Variants in SESTD1 observed in about 807,000 individuals in gnomAD.
SESTD1 encodes SEC14 and spectrin domain containing 1, also known as SEC14 domain and spectrin repeat-containing protein 1.
A neutral mutation model predicts 101.7 loss-of-function variants in SESTD1; 43 were observed. The observed-to-expected ratio is 0.42, with a 90% CI of 0.33 to 0.55. The LOEUF is 0.55. Among genes scored for constraint, SESTD1 ranks in the 20% least tolerant of loss-of-function variants. The probability of loss-of-function intolerance (pLI) is 0.07; values close to 1 mark genes in which losing one functional copy is unlikely to be tolerated. For missense variants in SESTD1, 647 were observed against 815.1 expected, an observed-to-expected ratio of 0.79 and a Z score of 2.51; for synonymous variants, 283 against 286.8, an observed-to-expected ratio of 0.99 and a Z score of 0.13.
chr2:179,129,030 A>G (rs947551576), intron 10 of SESTD1, among the ~76,000 whole-genome samples: 1 of 152,198 alleles, frequency 6.6e-6, no homozygotes, highest in Non-Finnish European at 1.5e-5. Flanking sequence ...ACTTTATACC[A>G]TGAAATGTGA....
At chr2:179,145,031 T>C (rs747766158) in intron 8 of SESTD1, among the ~76,000 whole-genome samples, 22 of 152,158 alleles carry the variant, frequency 1.4e-4, no homozygotes, top group African/African-American at 5.3e-4. Flanking sequence ...CTGTATATCA[T>C]ACTGGAAGAA....
chr2:179,146,374 A>C (rs1321225670), intron 8 of SESTD1, 28 bp downstream of exon 8: 4 of 1,567,562 alleles, frequency 2.6e-6, no homozygotes, highest in Non-Finnish European at 2.6e-6. Flanking sequence ...TTACTGGATT[A>C]TTATCACAAA....
chr2:179,200,150 A>G (rs533053342), intron 1 of SESTD1, among the ~76,000 whole-genome samples: 16 of 152,272 alleles, frequency 1.1e-4, no homozygotes, highest in African/African-American at 2.9e-4. Context: ...GAGCCAAATC[A>G]TGAGTGAACT....
chr2:179,185,663 AAT>A (rs1337855799), intron 2 of SESTD1, among the ~76,000 whole-genome samples: 3 of 67,384 alleles, frequency 4.5e-5, no homozygotes, highest in Non-Finnish European at 1.0e-4. Context: ...TAGCATATAC[AAT>A]ATATAATATA....
intron 1 of SESTD1, among the ~76,000 whole-genome samples, chr2:179,245,515 CAAA>C (rs59103658): frequency 0.013 from 597 of 45,102 alleles, 4 homozygotes; most frequent in African/African-American, 0.036. Flanking sequence ...GACTCTGTCT[CAAA>C]AAAAAAAAAA....
chr2:179,120,430 A>G (rs939377253), intron 13 of SESTD1, among the ~76,000 whole-genome samples: 2 of 152,190 alleles, frequency 1.3e-5, no homozygotes, highest in African/African-American at 4.8e-5. Flanking sequence ...TAATTCAAGT[A>G]GTGAGAATGT....
At chr2:179,146,044 G>A (rs546471023) in intron 8 of SESTD1, among the ~76,000 whole-genome samples, 6 of 150,574 alleles carry the variant, frequency 4.0e-5, no homozygotes, top group Admixed American at 2.0e-4. Flanking sequence ...GGAGGTGAGC[G>A]GCAGGCCAGC....
At chr2:179,187,141 C>CATTTAATT (rs1362304199) in intron 2 of SESTD1, among the ~76,000 whole-genome samples, 23 of 152,218 alleles carry the variant, frequency 1.5e-4, no homozygotes, top group Non-Finnish European at 2.8e-4. Flanking sequence ...AACAAAAGAA[C>CATTTAATT]ACCTGCTACT....
chr2:179,178,740 C>T (rs2046054851), intron 3 of SESTD1, among the ~76,000 whole-genome samples: 1 of 152,154 alleles, frequency 6.6e-6, no homozygotes, highest in Admixed American at 6.6e-5. Context: ...AGAGGGCCTT[C>T]CCACCAACAG....
At chr2:179,231,267 C>G (rs912433714) in intron 1 of SESTD1, among the ~76,000 whole-genome samples, 9 of 151,700 alleles carry the variant, frequency 5.9e-5, no homozygotes, top group Admixed American at 5.9e-4. Context: ...AAGAGCAAAA[C>G]GAAGTTGCAG....
intron 1 of SESTD1, among the ~76,000 whole-genome samples, chr2:179,243,321 G>T (rs1298780448): frequency 6.6e-6 from 1 of 152,194 alleles, no homozygotes; most frequent in Non-Finnish European, 1.5e-5. Context: ...AATGTAAACT[G>T]GTTCAGCCAG....
At chr2:179,193,875 C>A (rs551887970) in intron 1 of SESTD1, among the ~76,000 whole-genome samples, 1 of 152,144 alleles carries the variant, frequency 6.6e-6, no homozygotes, top group Non-Finnish European at 1.5e-5. Flanking sequence ...GGAATCCTCC[C>A]GGCCACCAGG....
At chr2:179,239,047 T>A (rs1049622205) in intron 1 of SESTD1, among the ~76,000 whole-genome samples, 3 of 152,210 alleles carry the variant, frequency 2.0e-5, no homozygotes, top group African/African-American at 4.8e-5. Context: ...ATTTCTCTGC[T>A]GTAGCAGTAA....
intron 2 of SESTD1, among the ~76,000 whole-genome samples, chr2:179,189,505 T>C (rs1574020008): frequency 6.6e-6 from 1 of 151,824 alleles, no homozygotes; most frequent in Non-Finnish European, 1.5e-5. Context: ...CCTTAAGAAC[T>C]GGAAAAAAAC....
At chr2:179,229,806 CACACA>C (rs2046955407) in intron 1 of SESTD1, among the ~76,000 whole-genome samples, 1 of 143,522 alleles carries the variant, frequency 7.0e-6, no homozygotes, top group African/African-American at 2.5e-5. Context: ...CACACACACA[CACACA>C]CACACAACCC....
chr2:179,186,261 G>C (rs971507465), intron 2 of SESTD1, among the ~76,000 whole-genome samples: 1 of 151,938 alleles, frequency 6.6e-6, no homozygotes, highest in Admixed American at 6.6e-5. Context: ...AAATCATGTA[G>C]AGATTTACTC....
At chr2:179,135,496 G>A (rs1263181396) in intron 9 of SESTD1, among the ~76,000 whole-genome samples, 2 of 151,838 alleles carry the variant, frequency 1.3e-5, no homozygotes, top group Non-Finnish European at 2.9e-5. Context: ...GCTCATACCT[G>A]TAATCCCAGC....
chr2:179,162,326 A>T (rs1264970169), intron 5 of SESTD1, among the ~76,000 whole-genome samples: 1 of 152,166 alleles, frequency 6.6e-6, no homozygotes, highest in Non-Finnish European at 1.5e-5. Context: ...CTCTGGAACA[A>T]TTTACAAAAT....
intron 1 of SESTD1, among the ~76,000 whole-genome samples, chr2:179,215,125 A>C (rs2046702434): frequency 7.4e-6 from 1 of 135,140 alleles, no homozygotes; most frequent in Non-Finnish European, 1.6e-5. Context: ...AGAAGGCAAG[A>C]AATAAGTAAG....
Sources: gnomAD v4.1 joint callset for allele counts (sites outside exome capture counted in the v4.1 genomes callset) on GRCh38, gnomAD v4.1.1 for gene constraint, MANE v1.5 for transcripts, NCBI Gene and HGNC (gene_info 2026-07-23, HGNC 2026-07-21) for gene names.